The following COL3A1 variants were observed in gnomAD, a reference collection of about 807,000 sequenced individuals.
COL3A1 encodes the protein collagen type III alpha 1 chain.
In COL3A1, 46 loss-of-function variants were observed where a neutral mutation model predicts 200.9. The ratio of observed to expected loss-of-function variants is 0.23; its 90% confidence interval spans 0.18 to 0.29. The LOEUF is 0.29. Ranked by LOEUF, COL3A1 falls within the 10% of genes least tolerant of loss-of-function variation. The pLI is 1.00. For missense variants in COL3A1, 1,367 were observed against 1,917.6 expected, an observed-to-expected ratio of 0.71 and a Z score of 5.36; for synonymous variants, 650 against 628.0, an observed-to-expected ratio of 1.03 and a Z score of -0.52.
chr2:189,008,451 C>T, intron 47 of COL3A1: 1 of 446,048 alleles, frequency 2.2e-6, no homozygotes, highest in Non-Finnish European at 4.1e-6. Flanking sequence ...TTACAACATT[C>T]ATAATTATCT....
At position 188,998,271 on chromosome 2, in the gene COL3A1, G is replaced by A. The variant is rs1216538499; in HGVS notation, c.1929G>A (p.Leu643=). The A allele has an allele frequency of 6.2e-7, 1 of 1,613,618 alleles. No homozygotes were observed. The highest frequency in any genetic ancestry group is 1.7e-5 in the Admixed American group (1 of 59,986). ...GPPGPQGLQG[L]PGTGGPPGEN... ...ACAAATATGATTCTTTCTAGGGCTT[G>A]CCTGGTACAGGTGGTCCTCCAGGAG... Residue 643 remains leucine (L), a synonymous_variant, in exon 28 of 51, where the codon TTG becomes TTA. Coordinates refer to ENST00000304636, the MANE Select transcript of COL3A1 (RefSeq NM_000090.4).
intron 45 of COL3A1, 55 bp downstream of exon 45, chr2:189,007,662 TTAA>T (rs929093685): frequency 5.2e-5 from 76 of 1,466,988 alleles, no homozygotes; most frequent in Non-Finnish European, 6.7e-5. Context: ...ATTTTAGAGA[TTAA>T]GAGAAGAAAG....
intron 44 of COL3A1, 135 bp from the exon 45 acceptor site, chr2:189,007,365 A>T: frequency 1.5e-6 from 1 of 670,110 alleles, no homozygotes; most frequent in Non-Finnish European, 2.5e-6. Context: ...CTCATTTCCT[A>T]TCTGAAGTGT....
In COL3A1 at chr2:188,974,462, CAA is replaced by C. The variant is rs766252378; in HGVS notation, c.-26_-25del. On this transcript the variant is annotated 5_prime_UTR_variant, in exon 1 of 51. It introduces an in-frame stop codon into an upstream open reading frame of the 5' UTR. Coordinates refer to ENST00000304636, the MANE Select transcript of COL3A1 (RefSeq NM_000090.4). ...CTGCTTTTCTTTTCTCCTTTTTGCA[CAA>C]AGAGTCTCATGTCTGATATTTAGAC... 4.6e-5 allele frequency: 73 copies of C among 1,585,598 alleles called. No homozygotes were observed. The highest frequency in any genetic ancestry group is 8.1e-5 in the African/African-American group (6 of 74,268).
intron 38 of COL3A1, 50 bp downstream of exon 38, chr2:189,003,837 T>G: frequency 6.3e-7 from 1 of 1,599,374 alleles, no homozygotes; most frequent in Non-Finnish European, 8.6e-7. Context: ...GAAAGAGCAT[T>G]CATGTATGTA....
rs776330422 is a variant in COL3A1, at chr2:189,007,932, C to T, written c.3411C>T (p.Gly1137=). The T allele has an allele frequency of 1.2e-6, 2 of 1,614,104 alleles. No homozygotes were observed. Among genetic ancestry groups the T allele is most frequent in the East Asian group, 4.5e-5 (2 of 44,880 alleles). The change falls in exon 46 of 51, where the codon GGC becomes GGT. Residue 1137 remains glycine (G), a synonymous_variant. Coordinates refer to ENST00000304636, the MANE Select transcript of COL3A1 (RefSeq NM_000090.4). ...QGAIGSPGPA[G]PRGPVGPSGP... ...CAATCGGCAGTCCAGGACCTGCAGG[C>T]CCCAGAGTAAGTAGCACAGAAAGAT...
Position 189,006,931 on chromosome 2 carries a change from T to C in COL3A1, c.3202-6T>C, listed in dbSNP as rs770634169. On this transcript the variant is annotated splice_polypyrimidine_tract_variant and splice_region_variant and intron_variant, in intron 43 of 50. Transcript: ENST00000304636. ...ATGTCTTCTCAATTGAATGTTTTCA[T>C]CTTAGGGCCCTGCTGGCCCTGCTGG... is the stretch of plus-strand genomic sequence containing the variant. 1 of 1,613,350 alleles carries C rather than the reference T, an allele frequency of 6.2e-7. No individual in the cohort carries two copies. Among genetic ancestry groups the C allele is most frequent in the Non-Finnish European group, 8.5e-7 (1 of 1,179,664 alleles).
At chr2:188,990,251 C>T in intron 9 of COL3A1, 56 bp from the exon 10 acceptor site, 1 of 1,578,692 alleles carries the variant, frequency 6.3e-7, no homozygotes. Flanking sequence ...TGTTTTACTA[C>T]TAGATTGTGA....
At chr2:189,008,464 G>A (rs1010497862) in intron 47 of COL3A1, 43 of 426,164 alleles carry the variant, frequency 1.0e-4, no homozygotes, top group South Asian at 6.0e-4. Context: ...AATTATCTGC[G>A]TTTATGTAGT....
intron 21 of COL3A1, 111 bp downstream of exon 21, chr2:188,995,210 G>C (rs1688279787): frequency 4.5e-6 from 5 of 1,101,098 alleles, no homozygotes; most frequent in Non-Finnish European, 6.6e-6. Context: ...ATATATTAGA[G>C]TTAAGAAAAA....
At position 189,010,833 on chromosome 2, in the gene COL3A1, A is replaced by G. The variant is rs2153504345; in HGVS notation, c.4197A>G (p.Glu1399=). Reference sequence around the variant, plus strand: ...AGCTGATGGGGTCAAATGAAGGTGAATTCAAGGCTGAAGGAAATAGCAAAT... The same window carrying G: ...AGCTGATGGGGTCAAATGAAGGTGAGTTCAAGGCTGAAGGAAATAGCAAAT... The part of the protein sequence containing the change: ...ALKLMGSNEG[E]FKAEGNSKFT... Residue 1399 remains glutamate (E), a synonymous_variant, in exon 50 of 51, where the codon GAA becomes GAG. Transcript: ENST00000304636. The G allele has an allele frequency of 6.2e-7, 1 of 1,614,186 alleles. No homozygotes were observed. Among genetic ancestry groups the G allele is most frequent in the Non-Finnish European group, 8.5e-7 (1 of 1,180,002 alleles).
At position 188,999,966 on chromosome 2, in the gene COL3A1, T is replaced by A. The variant is rs1011261502; in HGVS notation, c.2283+71T>A. 2.7e-6 allele frequency: 4 copies of A among 1,480,270 alleles called. No homozygotes were observed. The African/African-American group carries it at 5.6e-5, about 21-fold the overall frequency. 91.7% of individuals were successfully genotyped at this position (1,480,270 alleles called of 1,614,324 possible). A position where few individuals can be genotyped will look rare whatever the true frequency, so the allele number is the denominator to read the frequency against. On this transcript the variant is annotated intron_variant, in intron 32 of 50. Transcript: ENST00000304636. Reference sequence around the variant, plus strand: ...ATGGGACAGTCCTGCACTTCAACTTTAATTTTTTCCAAAAACTACTCAAGA... The same window carrying A: ...ATGGGACAGTCCTGCACTTCAACTTAAATTTTTTCCAAAAACTACTCAAGA...
In COL3A1 at chr2:188,990,148, C is replaced by CAGTG; in HGVS notation, c.744+3_744+6dup. ...GGAGAGCGAGGATTGCCTGGACCTCCAGTGAGTCTTCAGCATCTAATAAAT... is the reference window on the plus strand; with the variant it reads ...GGAGAGCGAGGATTGCCTGGACCTCCAGTGAGTGAGTCTTCAGCATCTAATAAAT... On this transcript the variant is annotated frameshift_variant and splice_region_variant, in exon 9 of 51. Coordinates refer to ENST00000304636, the MANE Select transcript of COL3A1 (RefSeq NM_000090.4). LOFTEE classifies it high-confidence loss of function. 6.2e-7 allele frequency: 1 copy of CAGTG among 1,613,550 alleles called. No individual in the cohort carries two copies.
In COL3A1 at chr2:188,988,233, C is replaced by G. The variant is rs1688104282; in HGVS notation, c.582+99C>G. 11 of 1,036,748 alleles carry G rather than the reference C, an allele frequency of 1.1e-5. No individual in the cohort carries two copies. In the East Asian group the frequency reaches 2.7e-4, roughly 26 times the overall value. 64.2% of individuals were successfully genotyped at this position (1,036,748 alleles called of 1,614,324 possible). ...TCAGCCATTCCAGCATGCATAATCCCAGTTAACTAGAGAAATCATAACCAA... is the reference window on the plus strand; with the variant it reads ...TCAGCCATTCCAGCATGCATAATCCGAGTTAACTAGAGAAATCATAACCAA... On this transcript the variant is annotated intron_variant, in intron 6 of 50. Transcript: ENST00000304636.
intron 44 of COL3A1, 24 bp downstream of exon 44, chr2:189,007,014 T>G (rs755229815): frequency 1.9e-6 from 3 of 1,604,974 alleles, no homozygotes; most frequent in Admixed American, 3.4e-5. Flanking sequence ...TTTTTTGGTT[T>G]TATTTTGTTT....
chr2:189,003,195 G>GTT, intron 36 of COL3A1, 133 bp downstream of exon 36: 1 of 833,600 alleles, frequency 1.2e-6, no homozygotes. Flanking sequence ...AAACATGGAG[G>GTT]TTTATCAGTA....
At chr2:189,008,012 G>T in intron 46 of COL3A1, 23 bp from the exon 47 acceptor site, 1 of 1,613,954 alleles carries the variant, frequency 6.2e-7, no homozygotes, top group Non-Finnish European at 8.5e-7. Context: ...TTCTGGCATT[G>T]TGATGTCATG....
intron 16 of COL3A1, 102 bp downstream of exon 16, chr2:188,993,561 A>G (rs1159056337): frequency 9.8e-7 from 1 of 1,019,308 alleles, no homozygotes; most frequent in African/African-American, 1.6e-5. Context: ...CAATATGGCT[A>G]TCAGTGAAAA....
chr2:189,006,308 C>T, intron 42 of COL3A1, 37 bp from the exon 43 acceptor site: 1 of 1,613,352 alleles, frequency 6.2e-7, no homozygotes, highest in Non-Finnish European at 8.5e-7. Context: ...AATAAGTGAT[C>T]ATCATGTTTA....
Sources: allele counts gnomAD v4.1 joint callset, GRCh38; gene constraint gnomAD v4.1.1; transcripts MANE v1.5; gene names NCBI Gene and HGNC (gene_info 2026-07-23, HGNC 2026-07-21).